DLGAP2: variants seen among roughly 807,000 people sequenced by gnomAD.
The protein encoded by DLGAP2 is disks large-associated protein 2.
Under a neutral mutation model 100.3 loss-of-function variants are expected in DLGAP2, and 26 were observed. The ratio of observed to expected loss-of-function variants is 0.26; its 90% confidence interval spans 0.19 to 0.36. DLGAP2 has a LOEUF of 0.36. Ranked by LOEUF, DLGAP2 falls within the 10% of genes least tolerant of loss-of-function variation. The probability of loss-of-function intolerance (pLI) is 1.00; values close to 1 mark genes in which losing one functional copy is unlikely to be tolerated. For synonymous variants in DLGAP2, 886 were observed against 630.1 expected, an observed-to-expected ratio of 1.41 and a Z score of -6.08; for missense variants, 1,858 against 1,453.2, an observed-to-expected ratio of 1.28 and a Z score of -4.53.
At chr8:1,507,456 G>C (rs1416736039) in intron 4 of DLGAP2, among the ~76,000 whole-genome samples, 1 of 152,154 alleles carries the variant, frequency 6.6e-6, no homozygotes, top group Non-Finnish European at 1.5e-5. Context: ...GCGGGGCCGC[G>C]GAGCCCGCGC....
At chr8:1,445,452 G>T (rs1187828295) in intron 3 of DLGAP2, among the ~76,000 whole-genome samples, 2 of 151,758 alleles carry the variant, frequency 1.3e-5, no homozygotes, top group Non-Finnish European at 2.9e-5. Context: ...GTATTCCATG[G>T]TGTATATGTG....
intron 2 of DLGAP2, among the ~76,000 whole-genome samples, chr8:933,638 G>T (rs1799013091): frequency 9.8e-6 from 1 of 102,466 alleles, no homozygotes; most frequent in Admixed American, 9.9e-5. Flanking sequence ...ACCTGGCTGT[G>T]GGCACGAGGG....
chr8:1,386,161 G>T (rs527509580), intron 3 of DLGAP2, among the ~76,000 whole-genome samples: 1 of 152,200 alleles, frequency 6.6e-6, no homozygotes, highest in Admixed American at 6.5e-5. Context: ...CAGTGACTTT[G>T]CAAAAACTCC....
intron 3 of DLGAP2, among the ~76,000 whole-genome samples, chr8:1,283,898 T>G (rs77723135): frequency 0.13 from 20,503 of 152,258 alleles, 1,556 homozygotes; most frequent in Admixed American, 0.15. Flanking sequence ...ATGTGTTGTT[T>G]TATAACATTT....
At chr8:1,357,436 C>T (rs1264436680) in intron 3 of DLGAP2, among the ~76,000 whole-genome samples, 1 of 141,766 alleles carries the variant, frequency 7.1e-6, no homozygotes, top group African/African-American at 2.6e-5. Flanking sequence ...ATTATTAAAA[C>T]AGTCACTGCA....
intron 2 of DLGAP2, among the ~76,000 whole-genome samples, chr8:1,197,563 C>A (rs1797778279): frequency 6.6e-6 from 1 of 152,210 alleles, no homozygotes; most frequent in South Asian, 2.1e-4. Flanking sequence ...CATGTAGCAT[C>A]CAGGCCACCA....
chr8:1,573,732 G>C (rs1451969712), intron 6 of DLGAP2, among the ~76,000 whole-genome samples: 2 of 152,148 alleles, frequency 1.3e-5, no homozygotes, highest in Non-Finnish European at 1.5e-5. Context: ...TGTGAATAAA[G>C]TTTTATTGGA....
At chr8:1,102,700 G>A (rs1182517747) in intron 2 of DLGAP2, among the ~76,000 whole-genome samples, 4 of 152,116 alleles carry the variant, frequency 2.6e-5, no homozygotes, top group African/African-American at 9.7e-5. Flanking sequence ...CCTCGTGCGT[G>A]GGGGGATTTA....
At chr8:819,848 A>C (rs1039068059) in intron 1 of DLGAP2, among the ~76,000 whole-genome samples, 1 of 152,202 alleles carries the variant, frequency 6.6e-6, no homozygotes, top group African/African-American at 2.4e-5. Context: ...GTGGCACTTC[A>C]TGGAAGTGGT....
At chr8:1,276,817 G>C (rs1799707421) in intron 3 of DLGAP2, among the ~76,000 whole-genome samples, 1 of 152,102 alleles carries the variant, frequency 6.6e-6, no homozygotes, top group Admixed American at 6.6e-5. Flanking sequence ...AAGAACTTCA[G>C]TATCTTGGAT....
chr8:860,841 C>T lies in DLGAP2; in HGVS notation c.19-47071C>T, dbSNP rs114078462. 5.3e-3 allele frequency among the ~76,000 whole-genome samples: 808 copies of T among 152,038 alleles called. 9 individuals are homozygous for T. The highest frequency in any genetic ancestry group is 0.019 in the African/African-American group (785 of 41,450). ...CGGAGAAGAAGCAGACAAATCATGC[C>T]GTAATATCATACCAAATCATGACGC... is the stretch of plus-strand genomic sequence containing the variant. On this transcript the variant is annotated intron_variant, in intron 1 of 14. Transcript: ENST00000637795.
intron 1 of DLGAP2, among the ~76,000 whole-genome samples, chr8:807,925 A>G (rs1346430376): frequency 6.6e-6 from 1 of 152,214 alleles, no homozygotes; most frequent in Non-Finnish European, 1.5e-5. Context: ...GCGGGGAGCT[A>G]AGAACCGGGT....
intron 2 of DLGAP2, among the ~76,000 whole-genome samples, chr8:1,152,383 G>A (rs1263042646): frequency 3.9e-5 from 6 of 152,202 alleles, no homozygotes; most frequent in Non-Finnish European, 8.8e-5. Context: ...TTGATGGAAC[G>A]TGTTGCCTCA....
At position 1,380,814 on chromosome 8, in the gene DLGAP2, TATTAA is replaced by T. The variant is rs148767297; in HGVS notation, c.107-120548_107-120544del. ...ACATTGAACTCACAATACCTTATCT[TATTAA>T]ATTCCATGGAGACTAAAAGTTTAAA... On this transcript the variant is annotated intron_variant, in intron 3 of 14. Coordinates refer to ENST00000637795, the MANE Select transcript of DLGAP2 (RefSeq NM_001346810.2). Among the ~76,000 whole-genome samples, 1,389 of 152,004 alleles carry T rather than the reference TATTAA, an allele frequency of 9.1e-3. 23 individuals are homozygous for T. The highest frequency in any genetic ancestry group is 0.032 in the African/African-American group (1,309 of 41,460).
intron 1 of DLGAP2, among the ~76,000 whole-genome samples, chr8:842,643 C>T (rs1473959229): frequency 6.6e-6 from 1 of 151,856 alleles, no homozygotes; most frequent in Non-Finnish European, 1.5e-5. Flanking sequence ...TTGTTCTCTT[C>T]TGCTGCTCTG....
At chr8:930,599 C>T (rs1563100504) in intron 2 of DLGAP2, among the ~76,000 whole-genome samples, 1 of 152,196 alleles carries the variant, frequency 6.6e-6, no homozygotes, top group African/African-American at 2.4e-5. Flanking sequence ...CCTGGAGATG[C>T]AGAGAGGGCA....
chr8:1,256,088 C>A (rs1217100546), intron 2 of DLGAP2, among the ~76,000 whole-genome samples: 118 of 123,906 alleles, frequency 9.5e-4, no homozygotes, highest in Middle Eastern at 6.4e-3. Flanking sequence ...GTGTCTTCTC[C>A]TGCCCGGGCG....
chr8:1,617,116 T>C (rs1331632065), intron 6 of DLGAP2, among the ~76,000 whole-genome samples: 2 of 151,524 alleles, frequency 1.3e-5, no homozygotes, highest in Non-Finnish European at 3.0e-5. Flanking sequence ...CACCACATTT[T>C]CTTTATCTGT....
intron 1 of DLGAP2, chr8:822,330 G>T (rs2132687608): frequency 2.5e-6 from 1 of 398,662 alleles, no homozygotes; most frequent in Middle Eastern, 6.3e-4. Context: ...CCAGGCTCAG[G>T]CTACCTGGAA....
Sources: allele counts gnomAD v4.1 joint callset (sites outside exome capture counted in the v4.1 genomes callset), GRCh38; gene constraint gnomAD v4.1.1; transcripts MANE v1.5; gene names NCBI Gene and HGNC (gene_info 2026-07-23, HGNC 2026-07-21).